ADGRV1: variants seen among roughly 807,000 people sequenced by gnomAD.
ADGRV1 encodes G-protein coupled receptor 98.
In ADGRV1, 359 loss-of-function variants were observed where a neutral mutation model predicts 596.2. The observed-to-expected ratio is 0.60, with a 90% CI of 0.55 to 0.66. The LOEUF (loss-of-function observed/expected upper bound fraction) is 0.66. Among genes scored for constraint, ADGRV1 ranks in the 30% least tolerant of loss-of-function variants. The pLI is 0.00. For synonymous variants in ADGRV1, 2,681 were observed against 2,679.2 expected, an observed-to-expected ratio of 1.00 and a Z score of -0.02; for missense variants, 7,274 against 7,575.6, an observed-to-expected ratio of 0.96 and a Z score of 1.48.
At chr5:90,681,577 G>A in intron 27 of ADGRV1, 123 bp downstream of exon 27, 1 of 895,002 alleles carries the variant, frequency 1.1e-6, no homozygotes, top group Non-Finnish European at 1.6e-6. Flanking sequence ...GAGCCTATTG[G>A]CACAGGCAAT....
Position 90,681,474 on chromosome 5 carries a change from T to C in ADGRV1, c.5664+20T>C. The C allele has an allele frequency of 1.3e-6, 2 of 1,598,758 alleles. No homozygotes were observed. The highest frequency in any genetic ancestry group is 1.7e-6 in the Non-Finnish European group (2 of 1,169,884). ...TTAAATGTGAGTACCTTTTCTTCCT[T>C]CATTCCTAGACACTTTCTGTTGTTT... On this transcript the variant is annotated intron_variant, in intron 27 of 89. Transcript: ENST00000405460.
intron 83 of ADGRV1, among the ~76,000 whole-genome samples, chr5:90,901,768 G>C (rs553359103): frequency 3.3e-5 from 5 of 152,202 alleles, no homozygotes. Context: ...GTGTTCAACT[G>C]ACGTCAACTT....
chr5:91,122,977 C>A (rs1196962830), intron 87 of ADGRV1, among the ~76,000 whole-genome samples: 1 of 152,196 alleles, frequency 6.6e-6, no homozygotes, highest in African/African-American at 2.4e-5. Flanking sequence ...CGAAAGTGAA[C>A]ATACAAAAAT....
At chr5:91,029,305 A>G (rs1438492294) in intron 85 of ADGRV1, among the ~76,000 whole-genome samples, 11 of 152,234 alleles carry the variant, frequency 7.2e-5, no homozygotes, top group Non-Finnish European at 1.5e-5. Flanking sequence ...AATGATATGC[A>G]TAACTTTAGT....
At position 90,675,229 on chromosome 5, in the gene ADGRV1, T is replaced by G. The variant is rs1773050802; in HGVS notation, c.5111-14T>G. On this transcript the variant is annotated splice_polypyrimidine_tract_variant and intron_variant, in intron 23 of 89. Transcript: ENST00000405460. Reference sequence around the variant, plus strand: ...TTCATTGGGACAATGCCCTGGCCCCTTTGTCTCCACTAGGCTTGCTGCAGT... The same window carrying G: ...TTCATTGGGACAATGCCCTGGCCCCGTTGTCTCCACTAGGCTTGCTGCAGT... 1 of 1,609,008 alleles carries G rather than the reference T, an allele frequency of 6.2e-7. No individual in the cohort carries two copies. The highest frequency in any genetic ancestry group is 1.3e-5 in the African/African-American group (1 of 74,826).
rs766197164 is a variant in ADGRV1 at position 90,985,464 on chromosome 5, T to C, written c.18094T>C (p.Leu6032=). ...AFVVILLIVI[L]KGIYHQSMSQ... The stretch of plus-strand genomic sequence containing the variant: ...TGTGGTGATTCTCCTCATAGTTATT[T>C]TGAAAGGAATCTATCATCAGAGCAT... The change falls in exon 85 of 90, where the codon TTG becomes CTG. Residue 6032 remains leucine, a synonymous_variant. Transcript: ENST00000405460. 13 of 1,613,756 alleles carry C rather than the reference T, an allele frequency of 8.1e-6. No individual in the cohort carries two copies. In the Admixed American group the frequency reaches 2.2e-4, roughly 27 times the overall value.
At chr5:90,561,490 C>T (rs983017442) in intron 1 of ADGRV1, among the ~76,000 whole-genome samples, 2 of 152,114 alleles carry the variant, frequency 1.3e-5, no homozygotes, top group East Asian at 1.9e-4. Context: ...CACCTCATGC[C>T]GTTTCTTATA....
intron 79 of ADGRV1, among the ~76,000 whole-genome samples, chr5:90,852,331 T>C (rs1581325531): frequency 1.3e-5 from 2 of 152,338 alleles, no homozygotes; most frequent in Middle Eastern, 6.8e-3. Flanking sequence ...TGACAAGATA[T>C]CATGTAAATC....
chr5:91,014,457 C>T (rs1783012685), intron 85 of ADGRV1, among the ~76,000 whole-genome samples: 1 of 151,910 alleles, frequency 6.6e-6, no homozygotes, highest in Admixed American at 6.6e-5. Flanking sequence ...ATAGTACCAG[C>T]TCTTCTTTGT....
chr5:90,706,240 A>G lies in ADGRV1; in HGVS notation c.8576A>G (p.Asn2859Ser), dbSNP rs759380099. Reference sequence around the variant, plus strand: ...CAACCTATTCAATTAGGAGCTATCAATGTCACATATACCACGGTTCCTGGA... The same window carrying G: ...CAACCTATTCAATTAGGAGCTATCAGTGTCACATATACCACGGTTCCTGGA... The part of the protein sequence containing the change: ...NREFGSLGAI[N>S]VTYTTVPGML... The change falls in exon 38 of 90, where the codon AAT becomes AGT. Residue 2859 changes from asparagine to serine, a missense_variant. Around this residue, in one of 5 missense-constraint regions of ADGRV1, gnomAD observed 3,643 missense variants for 3,809.2 expected, o/e 0.96. Transcript: ENST00000405460. 40 of 1,607,400 alleles carry G rather than the reference A, an allele frequency of 2.5e-5. No individual in the cohort carries two copies. The highest frequency in any genetic ancestry group is 3.2e-5 in the Non-Finnish European group (38 of 1,177,984).
At chr5:91,073,148 C>T (rs1050135790) in intron 86 of ADGRV1, among the ~76,000 whole-genome samples, 1 of 152,086 alleles carries the variant, frequency 6.6e-6, no homozygotes, top group Non-Finnish European at 1.5e-5. Flanking sequence ...TTGAATCATA[C>T]CTAACAGAGG....
chr5:90,932,714 G>A (rs530291541), intron 83 of ADGRV1, among the ~76,000 whole-genome samples: 2 of 141,592 alleles, frequency 1.4e-5, no homozygotes, highest in South Asian at 2.3e-4. Context: ...AGAATGCATC[G>A]CTGCAAAAGA....
intron 86 of ADGRV1, among the ~76,000 whole-genome samples, chr5:91,073,803 T>C (rs537326478): frequency 1.3e-5 from 2 of 152,328 alleles, no homozygotes; most frequent in East Asian, 3.9e-4. Context: ...ATTCAAGCAA[T>C]TCTCCTTCCT....
At position 90,705,414 on chromosome 5, in the gene ADGRV1, G is replaced by A. The variant is rs760510612; in HGVS notation, c.8401G>A (p.Gly2801Arg). The A allele has an allele frequency of 5.0e-5, 81 of 1,613,176 alleles. No homozygotes were observed. The highest frequency in any genetic ancestry group is 3.5e-4 in the Admixed American group (21 of 59,922). ...DVRTQGVPPA[G>R]IALLDAQGYA... The stretch of plus-strand genomic sequence containing the variant: ...GACATTTTTAGGAGTTCCACCAGCC[G>A]GAATCGCCCTGCTTGATGCTCAAGG... Residue 2801 changes from glycine (G) to arginine (R), a missense_variant, in exon 37 of 90, where the codon GGA (glycine) becomes AGA (arginine). This residue lies in a region of ADGRV1 where 3,643 missense variants were observed against 3,809.2 expected (regional missense o/e 0.96). Transcript: ENST00000405460.
At chr5:90,759,359 C>T (rs1388555690) in intron 57 of ADGRV1, 50 bp from the exon 58 acceptor site, 2 of 1,273,636 alleles carry the variant, frequency 1.6e-6, no homozygotes, top group South Asian at 2.7e-5. Context: ...TTCCTATCTT[C>T]CTCCTTCTTT....
At chr5:90,611,353 AC>A (rs1391081916) in intron 1 of ADGRV1, among the ~76,000 whole-genome samples, 2 of 151,894 alleles carry the variant, frequency 1.3e-5, no homozygotes, top group Non-Finnish European at 2.9e-5. Context: ...TCAGAACCTC[AC>A]AGTAGAATTC....
chr5:91,158,879 G>A (rs1433039674), intron 89 of ADGRV1, among the ~76,000 whole-genome samples: 1 of 151,920 alleles, frequency 6.6e-6, no homozygotes, highest in African/African-American at 2.4e-5. Context: ...ATGGATGGAT[G>A]GATGGATGGA....
intron 83 of ADGRV1, among the ~76,000 whole-genome samples, chr5:90,905,156 C>CT (rs1772198431): frequency 6.6e-6 from 1 of 151,924 alleles, no homozygotes; most frequent in Admixed American, 6.6e-5. Context: ...GGTATAATTT[C>CT]AAATCAGGTA....
chr5:91,082,536 T>C (rs2126516105), intron 86 of ADGRV1, among the ~76,000 whole-genome samples: 1 of 152,244 alleles, frequency 6.6e-6, no homozygotes, highest in South Asian at 2.1e-4. Context: ...AAGAGCACTT[T>C]TTAAAAAATG....
Sources: gnomAD v4.1 joint callset for allele counts (sites outside exome capture counted in the v4.1 genomes callset) on GRCh38, gnomAD v4.1.1 for gene constraint, gnomAD v4.1.1 regional missense constraint, MANE v1.5 for transcripts, NCBI Gene and HGNC (gene_info 2026-07-23, HGNC 2026-07-21) for gene names.